The following TCP1 variants were observed in gnomAD, a reference collection of about 807,000 sequenced individuals.
The protein encoded by TCP1 is T-complex protein 1 subunit alpha.
TCP1 carries 6 observed loss-of-function variants against 54.7 expected under a neutral mutation model. The ratio of observed to expected loss-of-function variants is 0.11; its 90% CI spans 0.06 to 0.22. The LOEUF (loss-of-function observed/expected upper bound fraction) is 0.22. Ranked by LOEUF, TCP1 falls within the 10% of genes least tolerant of loss-of-function variation. The pLI, the probability that TCP1 is intolerant of heterozygous loss-of-function variation, is 1.00. For missense variants in TCP1, 511 were observed against 678.2 expected, an observed-to-expected ratio of 0.75 and a Z score of 2.74; for synonymous variants, 225 against 229.7, an observed-to-expected ratio of 0.98 and a Z score of 0.19.
At chr6:159,780,292 T>A (rs373078804) in intron 9 of TCP1, 151 bp downstream of exon 9, 4 of 1,325,002 alleles carry the variant, frequency 3.0e-6, no homozygotes, top group African/African-American at 1.4e-5. Context: ...GGTTACTTCA[T>A]CTCAATTTAC....
chr6:159,780,391 TTTTAC>T (rs778945785), intron 9 of TCP1, 47 bp downstream of exon 9: 1 of 1,612,594 alleles, frequency 6.2e-7, no homozygotes, highest in South Asian at 1.1e-5. Flanking sequence ...GAAAACCTAC[TTTTAC>T]TTAACAAAAT....
rs755963322 is a variant in TCP1, at chr6:159,778,636, C to G, written c.*409G>C. The G allele has an allele frequency of 1.9e-6, 3 of 1,610,608 alleles. No homozygotes were observed. Among genetic ancestry groups the G allele is most frequent in the Non-Finnish European group, 2.5e-6 (3 of 1,177,278 alleles). ...CTGTGTCCACAGAAGAATAAACAAT[C>G]TAAATCTTTTCTCCCCCGTTAGGTC... is the stretch of plus-strand genomic sequence containing the variant. On this transcript the variant is annotated 3_prime_UTR_variant, in exon 12 of 12. Coordinates refer to ENST00000321394, the MANE Select transcript of TCP1 (RefSeq NM_030752.3).
intron 1 of TCP1, 34 bp downstream of exon 1, chr6:159,789,371 C>G: frequency 1.9e-6 from 3 of 1,612,526 alleles, no homozygotes; most frequent in Non-Finnish European, 1.7e-6. Context: ...CCCTCCCCGG[C>G]CGCAAACCCG....
At chr6:159,780,613 T>C in intron 8 of TCP1, 47 bp from the exon 9 acceptor site, 1 of 1,592,498 alleles carries the variant, frequency 6.3e-7, no homozygotes, top group Non-Finnish European at 8.5e-7. Context: ...TCTTTCATGA[T>C]TTTAATATCC....
chr6:159,785,025 G>T, intron 5 of TCP1, 178 bp from the exon 6 acceptor site: 1 of 679,678 alleles, frequency 1.5e-6, no homozygotes, highest in Non-Finnish European at 2.5e-6. Context: ...ATCACTTTTA[G>T]ACATGCTTTT....
chr6:159,782,935 G>A (rs142097078), intron 7 of TCP1, among the ~76,000 whole-genome samples: 104 of 152,344 alleles, frequency 6.8e-4, no homozygotes, highest in African/African-American at 2.0e-3. Flanking sequence ...AATGTCTTCC[G>A]AATTTCACGC....
Position 159,779,254 on chromosome 6 carries a change from G to A in TCP1, c.1462C>T (p.Leu488Phe), listed in dbSNP as rs750912205. The A allele has an allele frequency of 1.3e-5, 21 of 1,612,776 alleles. No individual in the cohort carries two copies. Among genetic ancestry groups the A allele is most frequent in the Non-Finnish European group, 1.8e-5 (21 of 1,179,314 alleles). The change falls in exon 12 of 12, where the codon CTT (leucine) becomes TTT (phenylalanine). Residue 488 changes from leucine (L) to phenylalanine (F), a missense_variant. This residue lies in a region of TCP1 where 88 missense variants were observed against 153.1 expected (regional missense o/e 0.57). Transcript: ENST00000321394. ...PERKNLKWIG[L>F]DLSNGKPRDN... Reference sequence around the variant, plus strand: ...CGAGGTTTACCATTGCTCAAATCAAGACCAATCCTGCAATTAAGAAAGAAT... The same window carrying A: ...CGAGGTTTACCATTGCTCAAATCAAAACCAATCCTGCAATTAAGAAAGAAT...
rs1295303193 is a variant in TCP1 at position 159,780,560 on chromosome 6, A to G, written c.980T>C (p.Ile327Thr). 1 of 1,611,932 alleles carries G rather than the reference A, an allele frequency of 6.2e-7. No individual in the cohort carries two copies. Among genetic ancestry groups the G allele is most frequent in the African/African-American group, 1.3e-5 (1 of 74,742 alleles). The change falls in exon 9 of 12, where the codon ATT becomes ACT. Residue 327 changes from isoleucine to threonine, a missense_variant. Physicochemically the swap from Ile to Thr is moderately conservative, Grantham distance 89. Transcript: ENST00000321394. ...KRIAKASGATILSTLANLEGE... is the reference protein window; with the variant it reads ...KRIAKASGATTLSTLANLEGE... ...TTCCAAATTGGCCAGGGTTGACAGA[A>G]TAGTTGCTAATAAGAGAGTTACAAA...
intron 11 of TCP1, 158 bp downstream of exon 11, chr6:159,779,468 GA>G: frequency 9.3e-7 from 1 of 1,078,382 alleles, no homozygotes; most frequent in Non-Finnish European, 1.3e-6. Context: ...ATTATCCCTT[GA>G]ATTACAGTGA....
chr6:159,789,210 C>A, intron 1 of TCP1, 195 bp downstream of exon 1: 1 of 585,064 alleles, frequency 1.7e-6, no homozygotes, highest in East Asian at 3.0e-5. Flanking sequence ...CGCGGCGGGG[C>A]TCCTCCTCGC....
chr6:159,780,889 C>A (rs565289489), intron 8 of TCP1, 46 bp downstream of exon 8: 1 of 1,544,434 alleles, frequency 6.5e-7, no homozygotes, highest in African/African-American at 1.4e-5. Flanking sequence ...TTGATAGGAT[C>A]AGGGATAATA....
At position 159,778,961 on chromosome 6, in the gene TCP1, T is replaced by C; in HGVS notation, c.*84A>G. The stretch of plus-strand genomic sequence containing the variant: ...ATCACAAAAACCCAAGTTTACAGCT[T>C]GTACTTTACTTTAATGTGTAATACT... On this transcript the variant is annotated 3_prime_UTR_variant, in exon 12 of 12. Coordinates refer to ENST00000321394, the MANE Select transcript of TCP1 (RefSeq NM_030752.3). 8 of 1,559,734 alleles carry C rather than the reference T, an allele frequency of 5.1e-6. No homozygotes were observed. Among genetic ancestry groups the C allele is most frequent in the Admixed American group, 1.8e-5 (1 of 55,872 alleles).
intron 1 of TCP1, chr6:159,788,403 C>T (rs1780750693): frequency 5.2e-6 from 2 of 386,720 alleles, no homozygotes; most frequent in Non-Finnish European, 9.6e-6. Flanking sequence ...CTTTGGGCAA[C>T]ATAGCGAAAC....
In TCP1 at chr6:159,784,667, C is replaced by G. The variant is rs1255732372; in HGVS notation, c.669G>C (p.Gln223His). 6.2e-7 allele frequency: 1 copy of G among 1,611,482 alleles called. No individual in the cohort carries two copies. The highest frequency in any genetic ancestry group is 1.1e-5 in the South Asian group (1 of 90,838). ...GYALNCVVGS[Q>H]GMPKRIVNAK... ...TATAAACCAAATCCCAAACCTTACCCTGGGATCCCACCACACAGTTGAGTG... is the reference window on the plus strand; with the variant it reads ...TATAAACCAAATCCCAAACCTTACCGTGGGATCCCACCACACAGTTGAGTG... The change falls in exon 6 of 12, where the codon CAG (glutamine) becomes CAC (histidine). Residue 223 changes from glutamine (Q) to histidine (H), a missense_variant and splice_region_variant. Gln to His is a conservative substitution (Grantham distance 24). This residue lies in a region of TCP1 where 305 missense variants were observed against 352.8 expected (regional missense o/e 0.86). Transcript: ENST00000321394.
At chr6:159,780,675 T>G in intron 8 of TCP1, 109 bp from the exon 9 acceptor site, 1 of 1,429,478 alleles carries the variant, frequency 7.0e-7, no homozygotes. Context: ...GTTTAGAATT[T>G]AGTTAGGCAG....
At chr6:159,789,152 G>C (rs114287805) in intron 1 of TCP1, 17,762 of 481,012 alleles carry the variant, frequency 0.037, 596 homozygotes, top group African/African-American at 0.1. Context: ...TTCCAACGCC[G>C]CCCCGGACAC....
intron 8 of TCP1, 113 bp downstream of exon 8, chr6:159,780,822 A>G: frequency 7.4e-7 from 1 of 1,352,948 alleles, no homozygotes; most frequent in Non-Finnish European, 1.0e-6. Context: ...CAAAGCATTA[A>G]GAGAATATAA....
At chr6:159,789,271 C>A in intron 1 of TCP1, 134 bp downstream of exon 1, 2 of 984,120 alleles carry the variant, frequency 2.0e-6, no homozygotes, top group Non-Finnish European at 3.0e-6. Flanking sequence ...GGCGGGTGGG[C>A]TGGGTCCGGC....
At chr6:159,784,181 T>C (rs1473251154) in intron 6 of TCP1, 114 bp from the exon 7 acceptor site, 2 of 1,330,022 alleles carry the variant, frequency 1.5e-6, no homozygotes, top group Non-Finnish European at 9.9e-7. Context: ...TTGCATTTTA[T>C]CTTAGAAAAA....
Sources: allele counts gnomAD v4.1 joint callset (sites outside exome capture counted in the v4.1 genomes callset), GRCh38; gene constraint gnomAD v4.1.1; regional missense constraint gnomAD v4.1.1; transcripts MANE v1.5; gene names NCBI Gene and HGNC (gene_info 2026-07-23, HGNC 2026-07-21).